Variants in CDK18 observed in about 807,000 individuals in gnomAD.
The protein encoded by CDK18 is cyclin-dependent kinase 18.
Under a neutral mutation model 62.0 loss-of-function variants are expected in CDK18, and 52 were observed. The observed-to-expected ratio is 0.84, with a 90% CI of 0.67 to 1.06. CDK18 has a LOEUF of 1.06. Ranked by LOEUF, CDK18 falls within the 50% of genes least tolerant of loss-of-function variation. The pLI is 0.00. For missense variants in CDK18, 604 were observed against 619.9 expected (o/e 0.97, Z 0.27); for synonymous variants, 237 against 247.0 (o/e 0.96, Z 0.38).
rs1226667070 is a variant in CDK18, at chr1:205,528,981, A to AC, written c.975-14dup. 4.5e-6 allele frequency: 7 copies of AC among 1,540,070 alleles called. No individual in the cohort carries two copies. Among genetic ancestry groups the AC allele is most frequent in the Non-Finnish European group, 6.2e-6 (7 of 1,134,586 alleles). ...GCCGCCCCTGCCTGATGCCGACCCT[A>AC]CCCCTTGCTCCTCGCAGGGGCGTGG... On this transcript the variant is annotated splice_polypyrimidine_tract_variant and intron_variant, in intron 10 of 15. Transcript: ENST00000429964. This position sits in a 1 kb window ranked among gnomAD's most constrained non-coding sequence, Gnocchi z 4.2.
chr1:205,505,670 C>T (rs1414523923), intron 1 of CDK18, among the ~76,000 whole-genome samples: 1 of 152,108 alleles, frequency 6.6e-6, no homozygotes, highest in Non-Finnish European at 1.5e-5. Context: ...CTGTGGGGGG[C>T]GGGGATTCCC....
At chr1:205,530,225 G>T (rs1468041273) in intron 13 of CDK18, 34 bp from the exon 14 acceptor site, 2 of 1,607,682 alleles carry the variant, frequency 1.2e-6, no homozygotes, top group Non-Finnish European at 8.5e-7. Context: ...CAGCCCCCCA[G>T]CCGGGCCCAA....
At position 205,529,052 on chromosome 1, in the gene CDK18, G is replaced by A; in HGVS notation, c.1028G>A (p.Gly343Asp). ...GCCACAGGGAGGCCCCTCTTCCCGG[G>A]CTCCACAGTCAAGGAGGAGCTGCAC... ...EMATGRPLFPGSTVKEELHLI... is the reference protein window; with the variant it reads ...EMATGRPLFPDSTVKEELHLI... Residue 343 changes from glycine to aspartate, a missense_variant, in exon 11 of 16, where the codon GGC (glycine) becomes GAC (aspartate). Coordinates refer to ENST00000429964, the MANE Select transcript of CDK18 (RefSeq NM_212502.3). 1 of 1,596,408 alleles carries A rather than the reference G, an allele frequency of 6.3e-7. No homozygotes were observed. The highest frequency in any genetic ancestry group is 8.5e-7 in the Non-Finnish European group (1 of 1,172,078).
chr1:205,508,131 G>C (rs1042826844), intron 1 of CDK18, among the ~76,000 whole-genome samples: 4 of 152,194 alleles, frequency 2.6e-5, no homozygotes, highest in African/African-American at 9.7e-5. Flanking sequence ...CCTGGTTCCA[G>C]GCCCACCTGA....
chr1:205,522,003 T>C (rs973407169), intron 1 of CDK18, among the ~76,000 whole-genome samples: 1 of 152,080 alleles, frequency 6.6e-6, no homozygotes, highest in Non-Finnish European at 1.5e-5. Flanking sequence ...GTGGAAGCCC[T>C]TGTGAGGCCT....
intron 1 of CDK18, among the ~76,000 whole-genome samples, chr1:205,521,914 G>A (rs1005946217): frequency 3.3e-5 from 5 of 152,256 alleles, no homozygotes; most frequent in African/African-American, 1.2e-4. Context: ...CCTGGTGCTG[G>A]TGCATGGGTA....
intron 3 of CDK18, 141 bp from the exon 4 acceptor site, chr1:205,524,091 G>A: frequency 1.0e-6 from 1 of 980,154 alleles, no homozygotes; most frequent in South Asian, 1.5e-5. Context: ...GCAGCTGTGA[G>A]CCTGGGGTCA....
intron 15 of CDK18, 121 bp downstream of exon 15, chr1:205,530,826 G>C (rs1383420079): frequency 1.3e-6 from 1 of 771,208 alleles, no homozygotes; most frequent in Non-Finnish European, 2.2e-6. Context: ...ACTCTTTGGG[G>C]AGCAGAGAAG....
chr1:205,524,478 C>A, intron 4 of CDK18, 121 bp downstream of exon 4: 1 of 1,146,684 alleles, frequency 8.7e-7, no homozygotes, highest in Non-Finnish European at 1.3e-6. Context: ...CCTCTGGTGC[C>A]ACCTGCTGGC....
Position 205,528,791 on chromosome 1 carries a change from C to A in CDK18, c.975-208C>A, listed in dbSNP as rs1575077949. ...CTCACAGAGTGAAAGTCGCAGCTTT[C>A]CCGAGCCCAGGGAAGCCCCCCAGAG... On this transcript the variant is annotated intron_variant, in intron 10 of 15. Coordinates refer to ENST00000429964, the MANE Select transcript of CDK18 (RefSeq NM_212502.3). The surrounding 1 kb of genome is among the most constrained non-coding windows in gnomAD (Gnocchi z 4.2). 1.1e-5 allele frequency: 5 copies of A among 470,460 alleles called. No homozygotes were observed. The East Asian group carries it at 1.6e-4, about 15-fold the overall frequency. 29.1% of individuals were successfully genotyped at this position (470,460 alleles called of 1,614,324 possible).
chr1:205,519,601 T>C (rs1668013206), intron 1 of CDK18, among the ~76,000 whole-genome samples: 1 of 152,130 alleles, frequency 6.6e-6, no homozygotes, highest in Non-Finnish European at 1.5e-5. Context: ...GAACAGCTGG[T>C]CCCCATCGCC....
rs1558782381 is a variant in CDK18 at position 205,526,406 on chromosome 1, C to T, written c.611C>T (p.Thr204Ile). 2 of 1,614,046 alleles carry T rather than the reference C, an allele frequency of 1.2e-6. No homozygotes were observed. The highest frequency in any genetic ancestry group is 1.7e-5 in the Admixed American group (1 of 60,006). Reference protein sequence around the residue: ...LKNLKHANIVTLHDLIHTDRS... With the variant: ...LKNLKHANIVILHDLIHTDRS... ...AACCTGAAGCACGCCAATATTGTGACCCTGCATGACCTCATCCACACAGAT... is the reference window on the plus strand; with the variant it reads ...AACCTGAAGCACGCCAATATTGTGATCCTGCATGACCTCATCCACACAGAT... Residue 204 changes from threonine to isoleucine, a missense_variant, in exon 7 of 16, where the codon ACC (threonine) becomes ATC (isoleucine). Thr to Ile is a moderately conservative substitution (Grantham distance 89, BLOSUM62 -1). Coordinates refer to ENST00000429964, the MANE Select transcript of CDK18 (RefSeq NM_212502.3).
At chr1:205,526,580 C>G (rs761311222) in intron 7 of CDK18, 119 bp downstream of exon 7, 81 of 969,186 alleles carry the variant, frequency 8.4e-5, no homozygotes, top group Non-Finnish European at 1.2e-4. Flanking sequence ...AGGCCTTGTT[C>G]TGGAATCAGA....
At position 205,529,069 on chromosome 1, in the gene CDK18, G is replaced by A; in HGVS notation, c.1045G>A (p.Glu349Lys). Reference protein sequence around the residue: ...PLFPGSTVKEELHLIFRLLGT... With the variant: ...PLFPGSTVKEKLHLIFRLLGT... ...CTTCCCGGGCTCCACAGTCAAGGAG[G>A]AGCTGCACCTCATCTTTCGCCTCCT... Residue 349 changes from glutamate (E) to lysine (K), a missense_variant, in exon 11 of 16, where the codon GAG (glutamate) becomes AAG (lysine). Coordinates refer to ENST00000429964, the MANE Select transcript of CDK18 (RefSeq NM_212502.3). The A allele has an allele frequency of 2.5e-6, 4 of 1,592,178 alleles. No homozygotes were observed. Among genetic ancestry groups the A allele is most frequent in the Non-Finnish European group, 3.4e-6 (4 of 1,169,682 alleles).
intron 1 of CDK18, among the ~76,000 whole-genome samples, chr1:205,506,293 C>G (rs944531333): frequency 6.6e-6 from 1 of 152,186 alleles, no homozygotes; most frequent in African/African-American, 2.4e-5. Context: ...TCCCAGCCAC[C>G]TCTTGTGCAG....
intron 1 of CDK18, among the ~76,000 whole-genome samples, chr1:205,515,288 T>G (rs984615670): frequency 6.7e-6 from 1 of 149,574 alleles, no homozygotes; most frequent in Non-Finnish European, 1.5e-5. Flanking sequence ...GCGATACTCC[T>G]GCCTCAGCCT....
At chr1:205,529,222 C>A in intron 11 of CDK18, 102 bp from the exon 12 acceptor site, 2 of 1,351,592 alleles carry the variant, frequency 1.5e-6, no homozygotes, top group Non-Finnish European at 2.1e-6. Flanking sequence ...CCCCCTGTGG[C>A]CTCGGCCATC....
rs1219881079 is a variant in CDK18 at position 205,528,721 on chromosome 1, G to T, written c.975-278G>T. Reference sequence around the variant, plus strand: ...CTGCTGAGAGAATTGCCACATGGGCGCTGGCTGCACAGACCCAAACCTCAC... The same window carrying T: ...CTGCTGAGAGAATTGCCACATGGGCTCTGGCTGCACAGACCCAAACCTCAC... On this transcript the variant is annotated intron_variant, in intron 10 of 15. Transcript: ENST00000429964. The surrounding 1 kb of genome is among the most constrained non-coding windows in gnomAD (Gnocchi z 4.2). 2 of 396,472 alleles carry T rather than the reference G, an allele frequency of 5.0e-6. No individual in the cohort carries two copies. The highest frequency in any genetic ancestry group is 4.1e-5 in the Admixed American group (1 of 24,682). 24.6% of individuals were successfully genotyped at this position (396,472 alleles called of 1,614,324 possible).
Position 205,527,248 on chromosome 1 carries a change from G to A in CDK18, c.729+411G>A. 1 of 223,430 alleles carries A rather than the reference G, an allele frequency of 4.5e-6. No individual in the cohort carries two copies. The highest frequency in any genetic ancestry group is 8.9e-6 in the Non-Finnish European group (1 of 112,530). 13.8% of individuals were successfully genotyped at this position (223,430 alleles called of 1,614,324 possible). A position where few individuals can be genotyped will look rare whatever the true frequency, so the allele number is the denominator to read the frequency against. ...GTAATCCCAGCACTGGGAGGCCAAG[G>A]CAGGAAGATGGCTTGAGCCCAGGAG... On this transcript the variant is annotated intron_variant, in intron 8 of 15. Transcript: ENST00000429964. This position sits in a 1 kb window ranked among gnomAD's most constrained non-coding sequence, Gnocchi z 4.1.
Sources: allele counts gnomAD v4.1 joint callset (sites outside exome capture counted in the v4.1 genomes callset), GRCh38; gene constraint gnomAD v4.1.1; non-coding constraint Gnocchi (gnomAD v3.1); transcripts MANE v1.5; gene names NCBI Gene and HGNC (gene_info 2026-07-23, HGNC 2026-07-21).